Variants in AFF1 observed in about 807,000 individuals in gnomAD.
The protein encoded by AFF1 is ALF transcription elongation factor 1.
In AFF1, 48 loss-of-function variants were observed where a neutral mutation model predicts 121.7. The ratio of observed to expected loss-of-function variants is 0.39; its 90% CI spans 0.31 to 0.50. The LOEUF is 0.50. AFF1 is among the 20% of genes least tolerant of loss of function. The probability of loss-of-function intolerance (pLI) is 0.76; values close to 1 mark genes in which losing one functional copy is unlikely to be tolerated. For missense variants in AFF1, 1,523 were observed against 1,511.7 expected, an observed-to-expected ratio of 1.01 and a Z score of -0.12; for synonymous variants, 613 against 563.0, an observed-to-expected ratio of 1.09 and a Z score of -1.26.
At position 87,134,584 on chromosome 4, in the gene AFF1, C is replaced by G; in HGVS notation, c.3425C>G (p.Thr1142Ser). 6.2e-7 allele frequency: 1 copy of G among 1,614,150 alleles called. No individual in the cohort carries two copies. The highest frequency in any genetic ancestry group is 8.5e-7 in the Non-Finnish European group (1 of 1,180,012). ...AGTGGGGTGGCTGCCACTATCAGCACCCCAGTCACCATCCAGAATATGACA... is the reference window on the plus strand; with the variant it reads ...AGTGGGGTGGCTGCCACTATCAGCAGCCCAGTCACCATCCAGAATATGACA... ...GSSGVAATIS[T>S]PVTIQNMTSS... The change falls in exon 20 of 21, where the codon ACC (threonine) becomes AGC (serine). Residue 1142 changes from threonine (T) to serine (S), a missense_variant. Transcript: ENST00000395146.
intron 2 of AFF1, among the ~76,000 whole-genome samples, chr4:87,036,341 A>G (rs934521547): frequency 1.3e-5 from 2 of 152,210 alleles, no homozygotes; most frequent in African/African-American, 4.8e-5. Context: ...TGCATATAAC[A>G]TAAAGACATG....
At chr4:87,028,631 G>T (rs561567933) in intron 2 of AFF1, among the ~76,000 whole-genome samples, 1 of 152,132 alleles carries the variant, frequency 6.6e-6, no homozygotes, top group African/African-American at 2.4e-5. Context: ...ATTAAGGTAC[G>T]TTTTTCTTCA....
chr4:86,949,175 TA>T (rs1409889953), intron 2 of AFF1, among the ~76,000 whole-genome samples: 32 of 107,364 alleles, frequency 3.0e-4, no homozygotes, highest in African/African-American at 1.0e-3. Context: ...TATATATATA[TA>T]TATATTTTTT....
chr4:86,995,543 A>G (rs972770290), intron 2 of AFF1, among the ~76,000 whole-genome samples: 1 of 151,896 alleles, frequency 6.6e-6, no homozygotes, highest in Non-Finnish European at 1.5e-5. Flanking sequence ...CCAGCTCCTA[A>G]CCTCGAGTGA....
At chr4:87,127,155 TTTGTTTTG>T (rs1728333384) in intron 15 of AFF1, 38 bp downstream of exon 15, 1 of 1,532,516 alleles carries the variant, frequency 6.5e-7, no homozygotes, top group Non-Finnish European at 9.0e-7. Flanking sequence ...TCTGTTTTGT[TTTGTTTTG>T]CTTCCCCCCC....
Position 87,090,244 on chromosome 4 carries a change from A to G in AFF1, c.1191+174A>G, listed in dbSNP as rs1265590123. Among the ~76,000 whole-genome samples the G allele has an allele frequency of 2.0e-5, 3 of 152,262 alleles. No homozygotes were observed. In the East Asian group the frequency reaches 5.8e-4, roughly 29 times the overall value. On this transcript the variant is annotated intron_variant, in intron 6 of 20. Coordinates refer to ENST00000395146, the MANE Select transcript of AFF1 (RefSeq NM_001166693.3). ...GAATGCTTTCAAACATTTATTCTGCAACTTAGAACATCCTAGATTTTCATA... is the reference window on the plus strand; with the variant it reads ...GAATGCTTTCAAACATTTATTCTGCGACTTAGAACATCCTAGATTTTCATA...
At chr4:86,986,867 T>C (rs1724325676) in intron 2 of AFF1, among the ~76,000 whole-genome samples, 1 of 152,052 alleles carries the variant, frequency 6.6e-6, no homozygotes, top group Admixed American at 6.6e-5. Flanking sequence ...ATTTTTAAAA[T>C]CATCATTTTT....
At chr4:87,064,661 C>G (rs1721149904) in intron 4 of AFF1, among the ~76,000 whole-genome samples, 1 of 151,996 alleles carries the variant, frequency 6.6e-6, no homozygotes, top group Non-Finnish European at 1.5e-5. Flanking sequence ...GGTGGATCAT[C>G]TGAGGTCAGG....
In AFF1 at chr4:87,084,219, A is replaced by G; in HGVS notation, c.1104+55A>G. ...AAGAAATATTTAAGTAGGTAGGCGT[A>G]CATCCATTTACTTTCACTTTAAAGA... On this transcript the variant is annotated intron_variant, in intron 5 of 20. Coordinates refer to ENST00000395146, the MANE Select transcript of AFF1 (RefSeq NM_001166693.3). 5.2e-6 allele frequency: 8 copies of G among 1,552,294 alleles called. No homozygotes were observed. The South Asian group carries it at 6.7e-5, about 13-fold the overall frequency.
At position 87,108,157 on chromosome 4, in the gene AFF1, A is replaced by G. The variant is rs1207341010; in HGVS notation, c.1377-2A>G. 6.2e-7 allele frequency: 1 copy of G among 1,613,236 alleles called. No individual in the cohort carries two copies. On this transcript the variant is annotated splice_acceptor_variant, in intron 10 of 20. Transcript: ENST00000395146. LOFTEE classifies it high-confidence loss of function. ...TAATTTTATCTTTTGGTTGCTTTGC[A>G]GTGCTCCACAGTCCCTTCCAGAACC...
intron 1 of AFF1, among the ~76,000 whole-genome samples, chr4:86,945,497 A>ATTTTTTTT (rs34305215): frequency 1.2e-5 from 1 of 86,632 alleles, no homozygotes; most frequent in African/African-American, 5.2e-5. Context: ...GCCTTTCCCA[A>ATTTTTTTT]TTTTTTTTTT....
intron 5 of AFF1, among the ~76,000 whole-genome samples, chr4:87,085,705 G>A (rs1373452400): frequency 1.3e-5 from 2 of 150,130 alleles, no homozygotes; most frequent in Admixed American, 6.7e-5. Context: ...GTCCCATTTT[G>A]TAGTTAGGGT....
At chr4:86,995,228 T>G (rs1578920757) in intron 2 of AFF1, among the ~76,000 whole-genome samples, 3 of 150,136 alleles carry the variant, frequency 2.0e-5, no homozygotes, top group African/African-American at 7.5e-5. Flanking sequence ...ATGAGACCTT[T>G]TCTCAAAAAA....
At chr4:87,045,994 G>A (rs1578137592) in intron 2 of AFF1, among the ~76,000 whole-genome samples, 172 bp from the exon 3 acceptor site, 2 of 152,122 alleles carry the variant, frequency 1.3e-5, no homozygotes, top group Non-Finnish European at 2.9e-5. Context: ...AAGTGACTGA[G>A]GCCTCACCCT....
chr4:87,050,898 AAG>A (rs1377257338), intron 4 of AFF1, among the ~76,000 whole-genome samples: 3 of 152,208 alleles, frequency 2.0e-5, no homozygotes, highest in East Asian at 1.9e-4. Flanking sequence ...TAACAAGTGA[AAG>A]AGAGAGAAGC....
intron 2 of AFF1, among the ~76,000 whole-genome samples, chr4:86,957,998 T>C (rs1199353433): frequency 1.3e-5 from 2 of 152,060 alleles, no homozygotes; most frequent in Non-Finnish European, 2.9e-5. Context: ...GACATTTCCC[T>C]ACTTAAATAC....
intron 2 of AFF1, among the ~76,000 whole-genome samples, chr4:87,021,383 C>T (rs1727883279): frequency 6.6e-6 from 1 of 152,168 alleles, no homozygotes; most frequent in South Asian, 2.1e-4. Flanking sequence ...TCCTGTTTGC[C>T]TCAGTTTATC....
chr4:87,028,083 G>GA (rs371455418), intron 2 of AFF1, among the ~76,000 whole-genome samples: 8 of 151,554 alleles, frequency 5.3e-5, no homozygotes, highest in Non-Finnish European at 8.8e-5. Context: ...CCAAAAAAAA[G>GA]AAAAAAAATT....
intron 10 of AFF1, 86 bp downstream of exon 10, chr4:87,105,931 A>G: frequency 1.3e-6 from 2 of 1,506,908 alleles, no homozygotes; most frequent in Admixed American, 1.7e-5. Context: ...TAGTACTTTC[A>G]CATTTTTTGT....
Sources: allele counts gnomAD v4.1 joint callset (sites outside exome capture counted in the v4.1 genomes callset), GRCh38; gene constraint gnomAD v4.1.1; transcripts MANE v1.5; gene names NCBI Gene and HGNC (gene_info 2026-07-23, HGNC 2026-07-21).